Variants in PLEKHG4B observed in about 807,000 individuals in gnomAD.
PLEKHG4B encodes the protein pleckstrin homology domain-containing family G member 4B.
In PLEKHG4B, 111 loss-of-function variants were observed where a neutral mutation model predicts 121.3. The ratio of observed to expected loss-of-function variants is 0.92; its 90% CI spans 0.78 to 1.07. The LOEUF is 1.07. PLEKHG4B is among the 50% of genes least tolerant of loss of function. PLEKHG4B has a pLI of 0.00. For missense variants in PLEKHG4B, 1,831 were observed against 1,757.8 expected (o/e 1.04, Z -0.74); for synonymous variants, 738 against 725.0 (o/e 1.02, Z -0.29).
chr5:158,548 C>T (rs1314801162), intron 11 of PLEKHG4B, among the ~76,000 whole-genome samples: 7 of 147,286 alleles, frequency 4.8e-5, no homozygotes, highest in African/African-American at 1.5e-4. Flanking sequence ...TCTCCCCCAT[C>T]TCCCCCTCCT....
Position 142,395 on chromosome 5 carries a change from AAC to A in PLEKHG4B, c.1478-644_1478-643del, listed in dbSNP as rs369925449. ...ATACGACACGCACACAGAATCACAC[AAC>A]ACACACAGTCACATGCCTCACACGA... On this transcript the variant is annotated intron_variant, in intron 3 of 19. Coordinates refer to ENST00000637938, the MANE Select transcript of PLEKHG4B (RefSeq NM_052909.5). 1.1e-4 allele frequency among the ~76,000 whole-genome samples: 16 copies of A among 152,064 alleles called. No homozygotes were observed. In the South Asian group the frequency reaches 1.5e-3, roughly 14 times the overall value.
At chr5:123,024 A>G (rs1341642113) in intron 2 of PLEKHG4B, among the ~76,000 whole-genome samples, 4 of 152,230 alleles carry the variant, frequency 2.6e-5, no homozygotes, top group Non-Finnish European at 5.9e-5. Flanking sequence ...TAAGAATATC[A>G]AAAACCTGAA....
intron 2 of PLEKHG4B, among the ~76,000 whole-genome samples, chr5:114,296 T>C (rs768286273): frequency 1.3e-5 from 2 of 152,214 alleles, no homozygotes; most frequent in African/African-American, 4.8e-5. Flanking sequence ...CAGGCAATAC[T>C]GTTTGACAGC....
In PLEKHG4B at chr5:144,863, G is replaced by T. The variant is rs762321297; in HGVS notation, c.1848G>T (p.Val616=). ...GGGACCTGGGGCTGGTTGTCCTGGTGGATGCACGCAGGAGTCCAGCTGCCC... is the reference window on the plus strand; with the variant it reads ...GGGACCTGGGGCTGGTTGTCCTGGTTGATGCACGCAGGAGTCCAGCTGCCC... ...EVRDLGLVVL[V]DARRSPAAPA... Residue 616 remains valine (V), a synonymous_variant, in exon 6 of 20, where the codon GTG becomes GTT. Transcript: ENST00000637938. 5.0e-6 allele frequency: 8 copies of T among 1,613,426 alleles called. No individual in the cohort carries two copies. Among genetic ancestry groups the T allele is most frequent in the South Asian group, 3.3e-5 (3 of 91,072 alleles).
chr5:163,128 G>T lies in PLEKHG4B; in HGVS notation c.3056G>T (p.Cys1019Phe). ...GGCCTCCCTGGACGAGCGCTTCTGT[G>T]TGGACAGGACGGGGAGACCCTGCGC... is the stretch of plus-strand genomic sequence containing the variant. ...LSGLPGRALLCGQDGETLRPG... is the reference protein window; with the variant it reads ...LSGLPGRALLFGQDGETLRPG... The change falls in exon 13 of 20, where the codon TGT becomes TTT. Residue 1019 changes from cysteine (C) to phenylalanine (F), a missense_variant. By Grantham distance (205) the Cys-to-Phe change is radical (BLOSUM62 -2). Transcript: ENST00000637938. The T allele has an allele frequency of 3.8e-6, 6 of 1,564,832 alleles. No individual in the cohort carries two copies. Among genetic ancestry groups the T allele is most frequent in the Non-Finnish European group, 5.2e-6 (6 of 1,155,390 alleles).
Position 168,961 on chromosome 5 carries a change from C to T in PLEKHG4B, c.3477-379C>T, listed in dbSNP as rs7703297. ...CGTGATCTCGCCTCACTGCAGCATC[C>T]GCCTCCCAGGTTCAAGTGATTCTCC... On this transcript the variant is annotated intron_variant, in intron 13 of 19. Coordinates refer to ENST00000637938, the MANE Select transcript of PLEKHG4B (RefSeq NM_052909.5). 8.1e-3 allele frequency: 1,878 copies of T among 233,132 alleles called. 40 individuals are homozygous for T. Among genetic ancestry groups the T allele is most frequent in the African/African-American group, 0.04 (1,718 of 42,792 alleles). 14.4% of individuals were successfully genotyped at this position (233,132 alleles called of 1,614,324 possible). A position where few individuals can be genotyped will look rare whatever the true frequency, so the allele number is the denominator to read the frequency against.
chr5:142,117 A>G (rs1385549147), intron 3 of PLEKHG4B, among the ~76,000 whole-genome samples: 2 of 152,240 alleles, frequency 1.3e-5, no homozygotes, highest in Non-Finnish European at 2.9e-5. Flanking sequence ...GCTTTGTAAC[A>G]GAAGTACTCA....
At chr5:121,784 A>G (rs1232497336) in intron 2 of PLEKHG4B, among the ~76,000 whole-genome samples, 1 of 152,138 alleles carries the variant, frequency 6.6e-6, no homozygotes, top group Non-Finnish European at 1.5e-5. Context: ...TCAAACATGA[A>G]GGCAAAATAA....
chr5:129,893 A>T (rs1734729501), intron 2 of PLEKHG4B, among the ~76,000 whole-genome samples: 1 of 152,186 alleles, frequency 6.6e-6, no homozygotes, highest in Admixed American at 6.5e-5. Context: ...AAAGGAATGT[A>T]CAACTTAGAA....
intron 7 of PLEKHG4B, among the ~76,000 whole-genome samples, chr5:152,292 T>C (rs1735632467): frequency 6.6e-6 from 1 of 151,570 alleles, no homozygotes; most frequent in African/African-American, 2.4e-5. Flanking sequence ...CTTACTGTAA[T>C]CTCAAACTCC....
chr5:116,643 C>T (rs979681620), intron 2 of PLEKHG4B, among the ~76,000 whole-genome samples: 6 of 152,204 alleles, frequency 3.9e-5, no homozygotes, highest in African/African-American at 7.2e-5. Flanking sequence ...TGTGTTGCAG[C>T]GAGCTGCTGG....
rs1450991640 is a variant in PLEKHG4B at position 156,734 on chromosome 5, G to A, written c.2349-39G>A. Reference sequence around the variant, plus strand: ...GTCACCAAGAGCAGATTCCTCAAGGGGCCGCCTGGAAGCCTGAGGACTGCC... The same window carrying A: ...GTCACCAAGAGCAGATTCCTCAAGGAGCCGCCTGGAAGCCTGAGGACTGCC... On this transcript the variant is annotated intron_variant, in intron 10 of 19. Coordinates refer to ENST00000637938, the MANE Select transcript of PLEKHG4B (RefSeq NM_052909.5). This position sits in a 1 kb window ranked among gnomAD's most constrained non-coding sequence, Gnocchi z 4.4. 6.5e-7 allele frequency: 1 copy of A among 1,528,624 alleles called. No individual in the cohort carries two copies. The highest frequency in any genetic ancestry group is 8.8e-7 in the Non-Finnish European group (1 of 1,133,130). The allele number at this position is 1,528,624 out of a possible 1,614,324, so 94.7% of individuals were successfully genotyped here.
At chr5:110,733 G>A (rs1428924459) in intron 1 of PLEKHG4B, among the ~76,000 whole-genome samples, 3 of 147,800 alleles carry the variant, frequency 2.0e-5, no homozygotes, top group East Asian at 4.1e-4. Context: ...GCACACACCA[G>A]CCACTCTGCA....
intron 1 of PLEKHG4B, among the ~76,000 whole-genome samples, chr5:111,071 C>G (rs1349195513): frequency 6.6e-6 from 1 of 152,264 alleles, no homozygotes; most frequent in East Asian, 1.9e-4. Context: ...CACACTGCAG[C>G]TCCCTCATCA....
intron 2 of PLEKHG4B, among the ~76,000 whole-genome samples, chr5:134,899 A>T (rs917404682): frequency 1.3e-5 from 2 of 152,084 alleles, no homozygotes; most frequent in Admixed American, 1.3e-4. Context: ...GATTAAGATA[A>T]CAATTTGTGG....
rs1426456960 is a variant in PLEKHG4B, at chr5:159,454, C to G, written c.2488-2329C>G. Among the ~76,000 whole-genome samples the G allele has an allele frequency of 6.6e-6, 1 of 152,190 alleles. No homozygotes were observed. The highest frequency in any genetic ancestry group is 1.5e-5 in the Non-Finnish European group (1 of 68,032). On this transcript the variant is annotated intron_variant, in intron 11 of 19. Coordinates refer to ENST00000637938, the MANE Select transcript of PLEKHG4B (RefSeq NM_052909.5). This position sits in a 1 kb window ranked among gnomAD's most constrained non-coding sequence, Gnocchi z 5.5. ...GTCCTGTTGCCTTAATTTTCCCCAC[C>G]CCTGGCTGTGTGCTGTCCTTGTAAG... is the stretch of plus-strand genomic sequence containing the variant.
chr5:169,611 G>T lies in PLEKHG4B; in HGVS notation c.3729+19G>T, dbSNP rs968688218. On this transcript the variant is annotated intron_variant, in intron 14 of 19. Transcript: ENST00000637938. Reference sequence around the variant, plus strand: ...GAGACACGTAAGTGCAGGCCATGGCGTGGGTGCCGGGCAACGTGGTGGGTG... The same window carrying T: ...GAGACACGTAAGTGCAGGCCATGGCTTGGGTGCCGGGCAACGTGGTGGGTG... The T allele has an allele frequency of 3.0e-5, 49 of 1,609,334 alleles. No individual in the cohort carries two copies. The highest frequency in any genetic ancestry group is 4.0e-5 in the Non-Finnish European group (47 of 1,179,172).
chr5:162,731 T>G lies in PLEKHG4B; in HGVS notation c.2659T>G (p.Trp887Gly), dbSNP rs1465300356. Reference sequence around the variant, plus strand: ...CCTCCTTGTCCCACAGGTGAGCAGCTGGATGGGGCCCCTGGACCCGGAGGC... The same window carrying G: ...CCTCCTTGTCCCACAGGTGAGCAGCGGGATGGGGCCCCTGGACCCGGAGGC... The part of the protein sequence containing the change: ...SSELCETVSS[W>G]MGPLDPEACP... Residue 887 changes from tryptophan (W) to glycine (G), a missense_variant, in exon 13 of 20, where the codon TGG (tryptophan) becomes GGG (glycine). Trp to Gly is a radical substitution (Grantham distance 184). Transcript: ENST00000637938. 10 of 1,453,434 alleles carry G rather than the reference T, an allele frequency of 6.9e-6. No individual in the cohort carries two copies. Among genetic ancestry groups the G allele is most frequent in the African/African-American group, 1.4e-5 (1 of 69,852 alleles). 90.0% of individuals were successfully genotyped at this position (1,453,434 alleles called of 1,614,324 possible).
chr5:145,836 C>T (rs10066435), intron 6 of PLEKHG4B, among the ~76,000 whole-genome samples: 28,626 of 152,038 alleles, frequency 0.19, 3,668 homozygotes, highest in African/African-American at 0.36. Context: ...TGCCCTCTCC[C>T]ATGCCCCACC....
Sources: allele counts gnomAD v4.1 joint callset (sites outside exome capture counted in the v4.1 genomes callset), GRCh38; gene constraint gnomAD v4.1.1; non-coding constraint Gnocchi (gnomAD v3.1); transcripts MANE v1.5; gene names NCBI Gene and HGNC (gene_info 2026-07-23, HGNC 2026-07-21).